TSHZ1: variants seen among roughly 807,000 people sequenced by gnomAD.
The protein encoded by TSHZ1 is teashirt homolog 1.
Under a neutral mutation model 67.1 loss-of-function variants are expected in TSHZ1, and 12 were observed. That is an observed-to-expected ratio of 0.18 (90% CI 0.11 to 0.29). TSHZ1 has a LOEUF of 0.29. TSHZ1 is among the 10% of genes least tolerant of loss of function. TSHZ1 has a pLI of 1.00. For missense variants in TSHZ1, 1,305 were observed against 1,413.9 expected (o/e 0.92, Z 1.23); for synonymous variants, 632 against 622.4 (o/e 1.02, Z -0.23).
intron 1 of TSHZ1, among the ~76,000 whole-genome samples, chr18:75,254,111 T>G (rs2023336912): frequency 6.6e-6 from 1 of 152,232 alleles, no homozygotes; most frequent in Non-Finnish European, 1.5e-5. Context: ...TTTTTCATGC[T>G]TCTGTTTGGT....
chr18:75,285,512 G>A lies in TSHZ1; in HGVS notation c.105G>A (p.Gly35=). 1 of 1,535,960 alleles carries A rather than the reference G, an allele frequency of 6.5e-7. No individual in the cohort carries two copies. Among genetic ancestry groups the A allele is most frequent in the Non-Finnish European group, 8.8e-7 (1 of 1,137,662 alleles). ...EIDEEHVEDD[G]LSLDIQESEY... ...ATGAAGAGCACGTGGAGGATGACGG[G>A]CTGTCTTTGGACATTCAGGAAAGTG... Residue 35 remains glycine (G), a synonymous_variant, in exon 2 of 2, where the codon GGG becomes GGA. Transcript: ENST00000580243.
chr18:75,224,136 G>A (rs1486223547), intron 1 of TSHZ1, among the ~76,000 whole-genome samples: 1 of 142,472 alleles, frequency 7.0e-6, no homozygotes, highest in African/African-American at 2.6e-5. Flanking sequence ...ACAAAACATA[G>A]ATTTTTCTTA....
intron 1 of TSHZ1, among the ~76,000 whole-genome samples, chr18:75,222,991 C>T (rs1219831261): frequency 2.6e-5 from 4 of 152,128 alleles, no homozygotes; most frequent in Admixed American, 2.6e-4. Flanking sequence ...GGGATCCTTC[C>T]GTTCATTTGT....
At chr18:75,247,706 A>C (rs2023241629) in intron 1 of TSHZ1, among the ~76,000 whole-genome samples, 1 of 152,146 alleles carries the variant, frequency 6.6e-6, no homozygotes, top group Non-Finnish European at 1.5e-5. Context: ...TAGAAGGGAG[A>C]GACGGAGGAG....
intron 1 of TSHZ1, among the ~76,000 whole-genome samples, chr18:75,221,376 G>A (rs1174479643): frequency 2.0e-5 from 3 of 152,302 alleles, no homozygotes; most frequent in Non-Finnish European, 4.4e-5. Flanking sequence ...CAGCAGTGAA[G>A]GTCAGTATAC....
At chr18:75,223,584 A>C (rs572156708) in intron 1 of TSHZ1, among the ~76,000 whole-genome samples, 1 of 151,658 alleles carries the variant, frequency 6.6e-6, no homozygotes, top group Non-Finnish European at 1.5e-5. Context: ...TCGAATATAC[A>C]TATGGTTTTG....
At chr18:75,234,344 C>G (rs1020548193) in intron 1 of TSHZ1, among the ~76,000 whole-genome samples, 1 of 152,208 alleles carries the variant, frequency 6.6e-6, no homozygotes, top group African/African-American at 2.4e-5. Context: ...CATCCACTTC[C>G]TTATCTCTTG....
chr18:75,287,189 G>A lies in TSHZ1; in HGVS notation c.1782G>A (p.Ala594=), dbSNP rs1483222215. 8.7e-6 allele frequency: 14 copies of A among 1,613,472 alleles called. No individual in the cohort carries two copies. Among genetic ancestry groups the A allele is most frequent in the African/African-American group, 1.3e-5 (1 of 74,928 alleles). The change falls in exon 2 of 2, where the codon GCG becomes GCA. Residue 594 remains alanine (A), a synonymous_variant. Transcript: ENST00000580243. The surrounding 1 kb of genome is among the most constrained non-coding windows in gnomAD (Gnocchi z 5.0). ...QLPGTVKPLP[A]AVQSVQVQPS... Reference sequence around the variant, plus strand: ...CGGGCACCGTGAAGCCACTGCCGGCGGCCGTGCAGAGCGTGCAGGTGCAGC... The same window carrying A: ...CGGGCACCGTGAAGCCACTGCCGGCAGCCGTGCAGAGCGTGCAGGTGCAGC...
At chr18:75,214,404 C>A (rs1452152085) in intron 1 of TSHZ1, among the ~76,000 whole-genome samples, 1 of 152,176 alleles carries the variant, frequency 6.6e-6, no homozygotes, top group Admixed American at 6.5e-5. Flanking sequence ...TTAAAGTAGC[C>A]ACAATGCATT....
rs1198480912 is a variant in TSHZ1, at chr18:75,288,272, G to C, written c.2865G>C (p.Gly955=). 6.2e-7 allele frequency: 1 copy of C among 1,614,180 alleles called. No individual in the cohort carries two copies. The highest frequency in any genetic ancestry group is 8.5e-7 in the Non-Finnish European group (1 of 1,180,038). The part of the protein sequence containing the change: ...ANVKYQLRRT[G]GTKFLKNLDT... ...TGAAGTACCAGTTGAGGAGGACAGG[G>C]GGAACGAAATTCCTAAAGAACCTGG... Residue 955 remains glycine (G), a synonymous_variant, in exon 2 of 2, where the codon GGG becomes GGC. Coordinates refer to ENST00000580243, the MANE Select transcript of TSHZ1 (RefSeq NM_001308210.2). This position sits in a 1 kb window ranked among gnomAD's most constrained non-coding sequence, Gnocchi z 4.9.
At chr18:75,229,020 T>C (rs1390291740) in intron 1 of TSHZ1, among the ~76,000 whole-genome samples, 1 of 152,246 alleles carries the variant, frequency 6.6e-6, no homozygotes, top group Non-Finnish European at 1.5e-5. Flanking sequence ...CATCTTTCCA[T>C]TTCAGGGGTT....
chr18:75,214,767 C>T (rs954743985), intron 1 of TSHZ1, among the ~76,000 whole-genome samples: 3 of 152,056 alleles, frequency 2.0e-5, no homozygotes, highest in Non-Finnish European at 2.9e-5. Flanking sequence ...CGTAATGAAG[C>T]GGCTTCTTAA....
intron 1 of TSHZ1, chr18:75,280,877 AG>A: frequency 1.0e-6 from 1 of 962,390 alleles, no homozygotes; most frequent in African/African-American, 1.8e-5. Context: ...GGGTGGCATA[AG>A]GAGATGACCT....
chr18:75,269,839 C>T (rs1192280943), intron 1 of TSHZ1, among the ~76,000 whole-genome samples: 2 of 152,130 alleles, frequency 1.3e-5, no homozygotes, highest in African/African-American at 2.4e-5. Flanking sequence ...CAGCAGCCAC[C>T]GTTCTACCTT....
chr18:75,237,477 G>A (rs1325115705), intron 1 of TSHZ1, among the ~76,000 whole-genome samples: 8 of 152,128 alleles, frequency 5.3e-5, no homozygotes, highest in Non-Finnish European at 1.2e-4. Context: ...AGCCATGATT[G>A]TGCCACTGCA....
At position 75,283,011 on chromosome 18, in the gene TSHZ1, T is replaced by G. The variant is rs1245325011; in HGVS notation, c.41-2437T>G. 2.0e-5 allele frequency: 3 copies of G among 152,314 alleles called. No individual in the cohort carries two copies. In the East Asian group the frequency reaches 5.8e-4, roughly 29 times the overall value. The allele number at this position is 152,314 out of a possible 1,614,324, so 9.4% of individuals were successfully genotyped here. ...TCCTTTGCATTAGTGGCCATGAAAC[T>G]CCCTTTCACAAAGATGGGTTGACGA... On this transcript the variant is annotated intron_variant, in intron 1 of 1. Transcript: ENST00000580243.
chr18:75,242,428 G>A (rs948266672), intron 1 of TSHZ1, among the ~76,000 whole-genome samples: 1 of 152,170 alleles, frequency 6.6e-6, no homozygotes, highest in Non-Finnish European at 1.5e-5. Flanking sequence ...CAAAAGAAAG[G>A]TCCCCAATTG....
At chr18:75,218,436 G>C (rs2022801388) in intron 1 of TSHZ1, among the ~76,000 whole-genome samples, 1 of 152,194 alleles carries the variant, frequency 6.6e-6, no homozygotes, top group Admixed American at 6.5e-5. Context: ...ATTTATGAAG[G>C]GGAACAGCTC....
chr18:75,212,881 T>C (rs781343668), intron 1 of TSHZ1, among the ~76,000 whole-genome samples: 3 of 152,222 alleles, frequency 2.0e-5, no homozygotes, highest in Non-Finnish European at 4.4e-5. Context: ...GCTCAAGTCT[T>C]GTCTCAGTTT....
Sources: allele counts gnomAD v4.1 joint callset (sites outside exome capture counted in the v4.1 genomes callset), GRCh38; gene constraint gnomAD v4.1.1; non-coding constraint Gnocchi (gnomAD v3.1); transcripts MANE v1.5; gene names NCBI Gene and HGNC (gene_info 2026-07-23, HGNC 2026-07-21).